Variants in MBOAT1 observed in about 807,000 individuals in gnomAD.
MBOAT1 encodes membrane bound glycerophospholipid O-acyltransferase 1, also known as membrane-bound glycerophospholipid O-acyltransferase 1.
In MBOAT1, 67 loss-of-function variants were observed where a neutral mutation model predicts 64.4. The observed-to-expected ratio is 1.04, with a 90% CI of 0.85 to 1.27. The LOEUF (loss-of-function observed/expected upper bound fraction) is 1.27. MBOAT1 is among the 50% of genes most tolerant of loss of function. The probability of loss-of-function intolerance (pLI) is 0.00; values close to 1 mark genes in which losing one functional copy is unlikely to be tolerated. For missense variants in MBOAT1, 563 were observed against 604.6 expected, an observed-to-expected ratio of 0.93 and a Z score of 0.72; for synonymous variants, 229 against 218.9, an observed-to-expected ratio of 1.05 and a Z score of -0.41.
chr6:20,117,199 A>G (rs1378722883), intron 9 of MBOAT1, among the ~76,000 whole-genome samples: 1 of 152,154 alleles, frequency 6.6e-6, no homozygotes. Flanking sequence ...ATGCTCCTAC[A>G]GCATCTGCCA....
At chr6:20,106,622 C>A (rs1759965191) in intron 12 of MBOAT1, among the ~76,000 whole-genome samples, 1 of 152,148 alleles carries the variant, frequency 6.6e-6, no homozygotes, top group African/African-American at 2.4e-5. Context: ...CAGGGTTTCA[C>A]CATGCTGGCC....
intron 1 of MBOAT1, among the ~76,000 whole-genome samples, chr6:20,185,660 G>T (rs1762630911): frequency 6.6e-6 from 1 of 152,144 alleles, no homozygotes. Flanking sequence ...GAGAACGCTG[G>T]CTAATATCTT....
At chr6:20,197,887 C>T (rs1174154861) in intron 1 of MBOAT1, among the ~76,000 whole-genome samples, 9 of 151,830 alleles carry the variant, frequency 5.9e-5, no homozygotes, top group African/African-American at 2.2e-4. Flanking sequence ...ATCTCTACAA[C>T]TTTTCTTTAA....
chr6:20,124,504 A>T lies in MBOAT1; in HGVS notation c.811T>A (p.Trp271Arg). ...TFPVTCLVDD[W>R]FVHKASFPAR... ...GGAAAGCTTGCTTTATGGACAAACC[A>T]GTCATCCACAAGGCAGGTGACAGGA... is the stretch of plus-strand genomic sequence containing the variant. Residue 271 changes from tryptophan to arginine, a missense_variant, in exon 8 of 13, where the codon TGG becomes AGG. Trp to Arg is a moderately radical substitution (Grantham distance 101, BLOSUM62 -3). Transcript: ENST00000324607. The T allele has an allele frequency of 6.2e-7, 1 of 1,614,220 alleles. No individual in the cohort carries two copies. Among genetic ancestry groups the T allele is most frequent in the Non-Finnish European group, 8.5e-7 (1 of 1,180,032 alleles).
intron 1 of MBOAT1, among the ~76,000 whole-genome samples, chr6:20,157,784 C>A (rs546700976): frequency 2.2e-4 from 33 of 151,524 alleles, no homozygotes; most frequent in Admixed American, 7.9e-4. Context: ...TTTTTATAGA[C>A]AGCAAAAGAA....
At chr6:20,115,474 G>A (rs2113637369) in intron 9 of MBOAT1, 122 bp from the exon 10 acceptor site, 1 of 750,098 alleles carries the variant, frequency 1.3e-6, no homozygotes, top group Non-Finnish European at 2.3e-6. Flanking sequence ...GCTCACAGTT[G>A]AGAGCAAGTC....
At chr6:20,168,312 T>C (rs918688366) in intron 1 of MBOAT1, among the ~76,000 whole-genome samples, 4 of 152,018 alleles carry the variant, frequency 2.6e-5, no homozygotes, top group Non-Finnish European at 4.4e-5. Context: ...AAAGTAACTC[T>C]GAAATAGCCA....
chr6:20,143,461 T>A (rs945186256), intron 4 of MBOAT1, among the ~76,000 whole-genome samples: 3 of 152,162 alleles, frequency 2.0e-5, no homozygotes, highest in Non-Finnish European at 2.9e-5. Flanking sequence ...TAGGTACTTA[T>A]CAGCTAGTAT....
At chr6:20,193,863 C>A (rs1189065487) in intron 1 of MBOAT1, among the ~76,000 whole-genome samples, 1 of 152,108 alleles carries the variant, frequency 6.6e-6, no homozygotes, top group Non-Finnish European at 1.5e-5. Flanking sequence ...CCTCAGCCTC[C>A]CAAAGTGCTG....
chr6:20,118,563 T>C, intron 8 of MBOAT1, 23 bp from the exon 9 acceptor site: 4 of 1,582,394 alleles, frequency 2.5e-6, no homozygotes, highest in Non-Finnish European at 3.5e-6. Context: ...AAGTAACACA[T>C]TAGGATATGG....
At chr6:20,133,528 G>A (rs1003208859) in intron 4 of MBOAT1, among the ~76,000 whole-genome samples, 3 of 152,086 alleles carry the variant, frequency 2.0e-5, no homozygotes, top group Non-Finnish European at 4.4e-5. Flanking sequence ...AAGCACAAGA[G>A]TTTTCTTTCC....
At chr6:20,156,575 A>C (rs1361087966) in intron 1 of MBOAT1, among the ~76,000 whole-genome samples, 2 of 152,246 alleles carry the variant, frequency 1.3e-5, no homozygotes, top group African/African-American at 4.8e-5. Flanking sequence ...TGTACATCTT[A>C]TAAGGTACAG....
chr6:20,102,527 GGCCT>G, intron 12 of MBOAT1, 115 bp from the exon 13 acceptor site: 1 of 810,740 alleles, frequency 1.2e-6, no homozygotes, highest in Non-Finnish European at 1.9e-6. Context: ...GGCAGTAGGA[GGCCT>G]GTCTACACTC....
At chr6:20,120,189 G>A (rs1760455711) in intron 8 of MBOAT1, among the ~76,000 whole-genome samples, 1 of 151,748 alleles carries the variant, frequency 6.6e-6, no homozygotes, top group Admixed American at 6.5e-5. Context: ...ACGGGCCTAG[G>A]AGAAGAATCA....
chr6:20,112,510 CA>C (rs1434845231), intron 11 of MBOAT1, among the ~76,000 whole-genome samples: 1 of 152,162 alleles, frequency 6.6e-6, no homozygotes, highest in Non-Finnish European at 1.5e-5. Flanking sequence ...AAAGTATAAG[CA>C]AATTGAAGTC....
intron 3 of MBOAT1, among the ~76,000 whole-genome samples, chr6:20,149,713 A>T (rs1397716328): frequency 6.6e-6 from 1 of 152,220 alleles, no homozygotes; most frequent in Non-Finnish European, 1.5e-5. Context: ...ATGTTGAATG[A>T]CTATAAAATG....
chr6:20,109,847 C>T (rs1292479441), intron 11 of MBOAT1, 98 bp from the exon 12 acceptor site: 1 of 1,208,378 alleles, frequency 8.3e-7, no homozygotes, highest in Non-Finnish European at 1.1e-6. Context: ...GGAACATGGG[C>T]TACAGAAGAT....
chr6:20,155,567 C>A (rs1490558930), intron 1 of MBOAT1, among the ~76,000 whole-genome samples: 1 of 152,178 alleles, frequency 6.6e-6, no homozygotes, highest in Admixed American at 6.5e-5. Flanking sequence ...GTCTCTGATT[C>A]TATATCTAAC....
intron 1 of MBOAT1, among the ~76,000 whole-genome samples, chr6:20,173,040 C>T (rs78502178): frequency 0.016 from 2,413 of 152,286 alleles, 69 homozygotes; most frequent in African/African-American, 0.055. Context: ...TTAGCACCTC[C>T]ACCCTCACTC....
Sources: gnomAD v4.1 joint callset for allele counts (sites outside exome capture counted in the v4.1 genomes callset) on GRCh38, gnomAD v4.1.1 for gene constraint, MANE v1.5 for transcripts, NCBI Gene and HGNC (gene_info 2026-07-23, HGNC 2026-07-21) for gene names.